The following RAB40C variants were observed in gnomAD, a reference collection of about 807,000 sequenced individuals.
RAB40C encodes ras-related protein Rab-40C.
In RAB40C, 8 loss-of-function variants were observed where a neutral mutation model predicts 28.1. The ratio of observed to expected loss-of-function variants is 0.28; its 90% CI spans 0.17 to 0.51. The LOEUF (loss-of-function observed/expected upper bound fraction) is 0.51, where lower values mean the gene tolerates loss of function less well. Among genes scored for constraint, RAB40C ranks in the 20% least tolerant of loss-of-function variants. The probability of loss-of-function intolerance (pLI) is 0.97; values close to 1 mark genes in which losing one functional copy is unlikely to be tolerated. For synonymous variants in RAB40C, 201 were observed against 171.7 expected, an observed-to-expected ratio of 1.17 and a Z score of -1.34; for missense variants, 288 against 405.9, an observed-to-expected ratio of 0.71 and a Z score of 2.50.
rs116908261 is a variant in RAB40C at position 624,060 on chromosome 16, G to C, written c.265-1372G>C. The C allele has an allele frequency of 2.0e-5, 20 of 985,438 alleles. No homozygotes were observed. The East Asian group carries it at 1.8e-3, about 89-fold the overall frequency. 61.0% of individuals were successfully genotyped at this position (985,438 alleles called of 1,614,324 possible). A position where few individuals can be genotyped will look rare whatever the true frequency, so the allele number is the denominator to read the frequency against. ...CTGCTGCTGTCTTCAGCATCTGCACGGTACATTTCACTGCCGCTTACTCAG... is the reference window on the plus strand; with the variant it reads ...CTGCTGCTGTCTTCAGCATCTGCACCGTACATTTCACTGCCGCTTACTCAG... On this transcript the variant is annotated intron_variant, in intron 3 of 5. Transcript: ENST00000248139.
intron 1 of RAB40C, among the ~76,000 whole-genome samples, chr16:593,654 G>A (rs557203922): frequency 6.6e-6 from 1 of 152,352 alleles, no homozygotes; most frequent in Non-Finnish European, 1.5e-5. Flanking sequence ...ATGAGTCATC[G>A]AAGTGACCTT....
chr16:590,112 A>C lies in RAB40C; in HGVS notation c.-180A>C. The C allele has an allele frequency of 5.8e-6, 1 of 172,248 alleles. No homozygotes were observed. The highest frequency in any genetic ancestry group is 2.8e-5 in the African/African-American group (1 of 35,912). 10.7% of individuals were successfully genotyped at this position (172,248 alleles called of 1,614,324 possible). A position where few individuals can be genotyped will look rare whatever the true frequency, so the allele number is the denominator to read the frequency against. Reference sequence around the variant, plus strand: ...TGCGGGAAGCGGCGGGGCGGCGGCGAGGCTGAGGTGCGCCCGGGCGCGGGC... The same window carrying C: ...TGCGGGAAGCGGCGGGGCGGCGGCGCGGCTGAGGTGCGCCCGGGCGCGGGC... On this transcript the variant is annotated 5_prime_UTR_variant, in exon 1 of 6. Coordinates refer to ENST00000248139, the MANE Select transcript of RAB40C (RefSeq NM_021168.5).
At chr16:594,938 G>C (rs1413287196) in intron 1 of RAB40C, among the ~76,000 whole-genome samples, 1 of 151,528 alleles carries the variant, frequency 6.6e-6, no homozygotes, top group African/African-American at 2.4e-5. Flanking sequence ...TCCTGTCTCA[G>C]CCTCCTGAGT....
intron 3 of RAB40C, among the ~76,000 whole-genome samples, chr16:620,835 C>G (rs969753589): frequency 1.7e-4 from 26 of 150,530 alleles, no homozygotes; most frequent in Non-Finnish European, 1.3e-4. Flanking sequence ...AGCCACCCCC[C>G]CCGACGGGCT....
rs1056407189 is a variant in RAB40C at position 590,243 on chromosome 16, C to G, written c.-49C>G. ...GGGCTCTCTCACGCCGCGGCCTCAC[C>G]CGGCGGTGCTTCGGCAGGCGGCCGG... On this transcript the variant is annotated 5_prime_UTR_variant, in exon 1 of 6. Coordinates refer to ENST00000248139, the MANE Select transcript of RAB40C (RefSeq NM_021168.5). The G allele has an allele frequency of 1.2e-4, 163 of 1,348,594 alleles. No homozygotes were observed. Among genetic ancestry groups the G allele is most frequent in the Non-Finnish European group, 1.5e-4 (155 of 1,038,478 alleles). 83.5% of individuals were successfully genotyped at this position (1,348,594 alleles called of 1,614,324 possible).
At chr16:596,399 G>T (rs560734775) in intron 1 of RAB40C, 4 of 453,990 alleles carry the variant, frequency 8.8e-6, no homozygotes, top group South Asian at 6.2e-5. Flanking sequence ...AGCTGGCGTA[G>T]AGCAGGAAGG....
intron 1 of RAB40C, among the ~76,000 whole-genome samples, chr16:597,063 C>T (rs1393928615): frequency 1.3e-5 from 2 of 152,114 alleles, no homozygotes; most frequent in African/African-American, 4.8e-5. Context: ...GACCAGGGCA[C>T]GACCAGACAC....
intron 5 of RAB40C, among the ~76,000 whole-genome samples, 199 bp downstream of exon 5, chr16:626,320 C>T (rs1430477832): frequency 6.6e-6 from 1 of 152,182 alleles, no homozygotes; most frequent in Non-Finnish European, 1.5e-5. Context: ...CTGGGGGGCA[C>T]AGGAGCAGCT....
At position 627,508 on chromosome 16, in the gene RAB40C, C is replaced by T; in HGVS notation, c.732C>T (p.Ala244=). The part of the protein sequence containing the change: ...VMMHGRSYSL[A]SGAGGGGSKG... The stretch of plus-strand genomic sequence containing the variant: ...TGCACGGCCGTTCCTACTCCCTGGC[C>T]AGCGGGGCCGGGGGCGGCGGCAGCA... The change falls in exon 6 of 6, where the codon GCC becomes GCT. Residue 244 remains alanine, a synonymous_variant. Transcript: ENST00000248139. The T allele has an allele frequency of 6.2e-7, 1 of 1,613,866 alleles. No homozygotes were observed. Among genetic ancestry groups the T allele is most frequent in the Non-Finnish European group, 8.5e-7 (1 of 1,180,014 alleles).
At position 617,204 on chromosome 16, in the gene RAB40C, G is replaced by A. The variant is rs200209367; in HGVS notation, c.143-4G>A. ...TCCCCTCAGCGCCCTGTGCTTCCTC[G>A]CAGGGATCGACTACAAGACCACCAC... On this transcript the variant is annotated splice_region_variant and splice_polypyrimidine_tract_variant and intron_variant, in intron 1 of 5. Transcript: ENST00000248139. 72 of 1,613,686 alleles carry A rather than the reference G, an allele frequency of 4.5e-5. No homozygotes were observed. In the East Asian group the frequency reaches 1.1e-3, roughly 24 times the overall value.
chr16:592,829 C>G (rs547670230), intron 1 of RAB40C, among the ~76,000 whole-genome samples: 3 of 152,370 alleles, frequency 2.0e-5, no homozygotes, highest in African/African-American at 7.2e-5. Flanking sequence ...CAGCCAGGAG[C>G]TGGAGAGACA....
At chr16:618,435 G>A (rs1025346645) in intron 3 of RAB40C, among the ~76,000 whole-genome samples, 175 bp downstream of exon 3, 3 of 152,226 alleles carry the variant, frequency 2.0e-5, no homozygotes, top group African/African-American at 7.2e-5. Context: ...TGTCACCCAG[G>A]CTGGAGTACA....
chr16:614,611 A>G (rs141183008), intron 1 of RAB40C, among the ~76,000 whole-genome samples: 1,427 of 89,690 alleles, frequency 0.016, no homozygotes, highest in South Asian at 0.032. Flanking sequence ...TAACTCTACC[A>G]CATCCCGATG....
At chr16:613,806 T>C (rs768667205) in intron 1 of RAB40C, among the ~76,000 whole-genome samples, 9 of 151,982 alleles carry the variant, frequency 5.9e-5, no homozygotes, top group Non-Finnish European at 1.2e-4. Context: ...TGCATGGTCT[T>C]GGGGCCTTGG....
rs763445322 is a variant in RAB40C at position 590,442 on chromosome 16, C to T, written c.142+9C>T. ...GTACGCCTACAGTAACGGTAAGGCC[C>T]GGCCCGCGGCGCGCGCTGCTACGCG... On this transcript the variant is annotated intron_variant, in intron 1 of 5. Coordinates refer to ENST00000248139, the MANE Select transcript of RAB40C (RefSeq NM_021168.5). 2.5e-6 allele frequency: 4 copies of T among 1,568,768 alleles called. No homozygotes were observed. Among genetic ancestry groups the T allele is most frequent in the East Asian group, 2.5e-5 (1 of 40,386 alleles).
chr16:622,332 C>T (rs895897983), intron 3 of RAB40C, among the ~76,000 whole-genome samples: 9 of 152,168 alleles, frequency 5.9e-5, no homozygotes, highest in Admixed American at 2.0e-4. Context: ...GAGCTCAGGG[C>T]GTGCGGGTGG....
chr16:611,189 G>T (rs1034359350), intron 1 of RAB40C, among the ~76,000 whole-genome samples: 1 of 152,178 alleles, frequency 6.6e-6, no homozygotes, highest in Non-Finnish European at 1.5e-5. Context: ...GTGGGTGGGT[G>T]ACGTGGTCCC....
chr16:615,379 C>T (rs1724622088), intron 1 of RAB40C, among the ~76,000 whole-genome samples: 1 of 152,190 alleles, frequency 6.6e-6, no homozygotes, highest in Non-Finnish European at 1.5e-5. Flanking sequence ...CAGACACACA[C>T]ACAAGCCCAC....
intron 1 of RAB40C, 150 bp downstream of exon 1, chr16:590,583 C>T: frequency 9.2e-7 from 1 of 1,083,772 alleles, no homozygotes; most frequent in Non-Finnish European, 1.2e-6. Flanking sequence ...AGCTCGGTGG[C>T]TGCGGGGTGC....
Sources: allele counts gnomAD v4.1 joint callset (sites outside exome capture counted in the v4.1 genomes callset), GRCh38; gene constraint gnomAD v4.1.1; transcripts MANE v1.5; gene names NCBI Gene and HGNC (gene_info 2026-07-23, HGNC 2026-07-21).